Variants in SV2B observed in about 807,000 individuals in gnomAD.
SV2B encodes solute carrier family 22 member B2.
Under a neutral mutation model 73.9 loss-of-function variants are expected in SV2B, and 41 were observed. The ratio of observed to expected loss-of-function variants is 0.56; its 90% CI spans 0.43 to 0.72. The LOEUF (loss-of-function observed/expected upper bound fraction) is 0.72, where lower values mean the gene tolerates loss of function less well. Ranked by LOEUF, SV2B falls within the 30% of genes least tolerant of loss-of-function variation. The pLI, the probability that SV2B is intolerant of heterozygous loss-of-function variation, is 0.00. For missense variants in SV2B, 764 were observed against 857.8 expected (o/e 0.89, Z 1.37); for synonymous variants, 314 against 314.2 (o/e 1.00, Z 0.01).
chr15:91,146,676 T>G (rs1424577567), intron 1 of SV2B, among the ~76,000 whole-genome samples: 1 of 152,220 alleles, frequency 6.6e-6, no homozygotes, highest in African/African-American at 2.4e-5. Context: ...TAGTTAGGTA[T>G]ATTTTATTTT....
At chr15:91,247,466 C>T (rs2047281630) in intron 2 of SV2B, among the ~76,000 whole-genome samples, 1 of 152,154 alleles carries the variant, frequency 6.6e-6, no homozygotes, top group African/African-American at 2.4e-5. Flanking sequence ...AAAAGTTTCA[C>T]TGAGGTAGCA....
At chr15:91,204,556 C>CT (rs568973449) in intron 1 of SV2B, among the ~76,000 whole-genome samples, 1,316 of 127,804 alleles carry the variant, frequency 0.01, 19 homozygotes, top group East Asian at 0.022. Flanking sequence ...TCTTCTTCTT[C>CT]TTTTTTTTTT....
rs1415754126 is a variant in SV2B, at chr15:91,231,946, T to G, written c.451+5232T>G. 6.6e-6 allele frequency among the ~76,000 whole-genome samples: 1 copy of G among 152,234 alleles called. No homozygotes were observed. The highest frequency in any genetic ancestry group is 1.5e-5 in the Non-Finnish European group (1 of 68,038). The stretch of plus-strand genomic sequence containing the variant: ...GGGGCAGATTCATTAGAATAAATTG[T>G]GAGCTGAATTTTCATAGCAGCTCAG... On this transcript the variant is annotated intron_variant, in intron 2 of 12. Transcript: ENST00000394232. The surrounding 1 kb of genome is among the most constrained non-coding windows in gnomAD (Gnocchi z 4.5).
At chr15:91,189,283 C>T (rs750643112) in intron 1 of SV2B, among the ~76,000 whole-genome samples, 2 of 152,108 alleles carry the variant, frequency 1.3e-5, no homozygotes, top group African/African-American at 2.4e-5. Context: ...CTCTCACCTC[C>T]GTCCCCATTT....
At chr15:91,108,723 T>A (rs1052861415) in intron 1 of SV2B, among the ~76,000 whole-genome samples, 1 of 152,164 alleles carries the variant, frequency 6.6e-6, no homozygotes, top group African/African-American at 2.4e-5. Context: ...ATCCCCTAGA[T>A]CAAGAATCAT....
rs1005121434 is a variant in SV2B at position 91,288,643 on chromosome 15, T to C, written c.1709-878T>C. 1.3e-5 allele frequency among the ~76,000 whole-genome samples: 2 copies of C among 151,340 alleles called. No homozygotes were observed. The highest frequency in any genetic ancestry group is 2.4e-5 in the African/African-American group (1 of 41,286). On this transcript the variant is annotated intron_variant, in intron 11 of 12. Coordinates refer to ENST00000394232, the MANE Select transcript of SV2B (RefSeq NM_001323032.3). The surrounding 1 kb of genome is among the most constrained non-coding windows in gnomAD (Gnocchi z 5.8). ...CTCTCTCTCTTTCTCTCTTCTTTCT[T>C]TCTCTCTCTCTCTCTCCTTCCTTCC...
intron 1 of SV2B, among the ~76,000 whole-genome samples, chr15:91,159,945 G>T (rs1277868258): frequency 6.6e-6 from 1 of 151,966 alleles, no homozygotes; most frequent in Non-Finnish European, 1.5e-5. Flanking sequence ...TCTCAAAAAT[G>T]ATTTAGGAAA....
At chr15:91,247,307 G>A (rs1299599282) in intron 2 of SV2B, among the ~76,000 whole-genome samples, 3 of 152,204 alleles carry the variant, frequency 2.0e-5, no homozygotes, top group Non-Finnish European at 4.4e-5. Flanking sequence ...AAACTAAGGG[G>A]TTGGATTCAA....
At chr15:91,166,818 C>CTTTTCTTTT (rs1389035919) in intron 1 of SV2B, among the ~76,000 whole-genome samples, 2 of 139,146 alleles carry the variant, frequency 1.4e-5, no homozygotes, top group African/African-American at 5.5e-5. Flanking sequence ...GTTTTCTTTT[C>CTTTTCTTTT]TTTTTTTTTT....
chr15:91,266,889 CTCTAAA>C, intron 7 of SV2B, 197 bp downstream of exon 7: 1 of 439,704 alleles, frequency 2.3e-6, no homozygotes, highest in Non-Finnish European at 4.0e-6. Context: ...GCTGAAAACT[CTCTAAA>C]TCTTAGTTTC....
chr15:91,115,454 C>T lies in SV2B; in HGVS notation c.-392+15091C>T, dbSNP rs1375648351. Reference sequence around the variant, plus strand: ...TAGTGTGATCTTGGCTCACTGCAACCTCTGCCTCTCAGGCTCAAGTAATCC... The same window carrying T: ...TAGTGTGATCTTGGCTCACTGCAACTTCTGCCTCTCAGGCTCAAGTAATCC... On this transcript the variant is annotated intron_variant, in intron 1 of 12. Transcript: ENST00000394232. The surrounding 1 kb of genome is among the most constrained non-coding windows in gnomAD (Gnocchi z 4.3). 6.6e-6 allele frequency among the ~76,000 whole-genome samples: 1 copy of T among 152,080 alleles called. No homozygotes were observed. The highest frequency in any genetic ancestry group is 1.5e-5 in the Non-Finnish European group (1 of 68,018).
chr15:91,183,406 C>T (rs1281203558), intron 1 of SV2B, among the ~76,000 whole-genome samples: 2 of 152,176 alleles, frequency 1.3e-5, no homozygotes, highest in Admixed American at 6.5e-5. Flanking sequence ...ATTACATAGA[C>T]ACTTCCTAAA....
chr15:91,209,373 C>T (rs1226696379), intron 1 of SV2B, among the ~76,000 whole-genome samples: 3 of 152,062 alleles, frequency 2.0e-5, no homozygotes, highest in Non-Finnish European at 4.4e-5. Context: ...GCCCCCACCT[C>T]GGCCTCCCAA....
chr15:91,160,298 A>G (rs2043665588), intron 1 of SV2B, among the ~76,000 whole-genome samples: 1 of 152,214 alleles, frequency 6.6e-6, no homozygotes, highest in Admixed American at 6.5e-5. Flanking sequence ...CGAAATGATA[A>G]TTACTGTACC....
At chr15:91,225,713 A>G (rs2046353017) in intron 1 of SV2B, among the ~76,000 whole-genome samples, 160 bp from the exon 2 acceptor site, 1 of 152,104 alleles carries the variant, frequency 6.6e-6, no homozygotes, top group South Asian at 2.1e-4. Context: ...CACCGATTCA[A>G]TCCTCATTCA....
chr15:91,297,081 C>CGCTCCTTCTGCCTGATCGTTGGGCGCAT lies in SV2B; in HGVS notation c.*4552_*4553insCGCATGCTCCTTCTGCCTGATCGTTGGG, dbSNP rs2049280114. Reference sequence around the variant, plus strand: ...TCCTTCTGCCTGATCGTTGGGCGCACGCTCCTTCTGCCTGATCGTTGGGAG... The same window carrying CGCTCCTTCTGCCTGATCGTTGGGCGCAT: ...TCCTTCTGCCTGATCGTTGGGCGCACGCTCCTTCTGCCTGATCGTTGGGCGCATGCTCCTTCTGCCTGATCGTTGGGAG... On this transcript the variant is annotated 3_prime_UTR_variant, in exon 13 of 13. Coordinates refer to ENST00000394232, the MANE Select transcript of SV2B (RefSeq NM_001323032.3). The surrounding 1 kb of genome is among the most constrained non-coding windows in gnomAD (Gnocchi z 5.1). The CGCTCCTTCTGCCTGATCGTTGGGCGCAT allele has an allele frequency of 1.3e-5, 2 of 154,378 alleles. 1 individual carries two copies. The highest frequency in any genetic ancestry group is 2.9e-5 in the Non-Finnish European group (2 of 69,880). The allele number at this position is 154,378 out of a possible 1,614,324, so 9.6% of individuals were successfully genotyped here. A position where few individuals can be genotyped will look rare whatever the true frequency, so the allele number is the denominator to read the frequency against.
At position 91,110,947 on chromosome 15, in the gene SV2B, A is replaced by G. The variant is rs746705974; in HGVS notation, c.-392+10584A>G. Among the ~76,000 whole-genome samples the G allele has an allele frequency of 2.6e-5, 4 of 152,114 alleles. No individual in the cohort carries two copies. The highest frequency in any genetic ancestry group is 4.4e-5 in the Non-Finnish European group (3 of 68,022). On this transcript the variant is annotated intron_variant, in intron 1 of 12. Coordinates refer to ENST00000394232, the MANE Select transcript of SV2B (RefSeq NM_001323032.3). This position sits in a 1 kb window ranked among gnomAD's most constrained non-coding sequence, Gnocchi z 5.4. ...TTGAAACTTAAGGCAAAGAAGAGAA[A>G]CTCAAATGGGACAATGGAGAAGTAG...
At position 91,284,224 on chromosome 15, in the gene SV2B, G is replaced by C. The variant is rs1177782122; in HGVS notation, c.1708+3G>C. 1 of 1,614,064 alleles carries C rather than the reference G, an allele frequency of 6.2e-7. No homozygotes were observed. Among genetic ancestry groups the C allele is most frequent in the Non-Finnish European group, 8.5e-7 (1 of 1,179,972 alleles). ...AATTGGAAGGCTCAAGATGATTGGTGAGTTGCCAGCAGGGTCATTCCTGGG... is the reference window on the plus strand; with the variant it reads ...AATTGGAAGGCTCAAGATGATTGGTCAGTTGCCAGCAGGGTCATTCCTGGG... On this transcript the variant is annotated splice_donor_region_variant and intron_variant, in intron 11 of 12. Transcript: ENST00000394232. The surrounding 1 kb of genome is among the most constrained non-coding windows in gnomAD (Gnocchi z 4.5).
intron 1 of SV2B, among the ~76,000 whole-genome samples, chr15:91,146,935 C>A (rs927010972): frequency 6.6e-5 from 10 of 152,176 alleles, no homozygotes; most frequent in Non-Finnish European, 1.3e-4. Context: ...GCACAGAATG[C>A]CTCCTTTGAT....
Sources: allele counts gnomAD v4.1 joint callset (sites outside exome capture counted in the v4.1 genomes callset), GRCh38; gene constraint gnomAD v4.1.1; non-coding constraint Gnocchi (gnomAD v3.1); transcripts MANE v1.5; gene names NCBI Gene and HGNC (gene_info 2026-07-23, HGNC 2026-07-21).